The following HERC4 variants were observed in gnomAD, a reference collection of about 807,000 sequenced individuals.
The protein encoded by HERC4 is probable E3 ubiquitin-protein ligase HERC4.
In HERC4, 28 loss-of-function variants were observed where a neutral mutation model predicts 124.3. That is an observed-to-expected ratio of 0.23 (90% CI 0.17 to 0.31). The LOEUF (loss-of-function observed/expected upper bound fraction) is 0.31, where lower values mean the gene tolerates loss of function less well. HERC4 is among the 10% of genes least tolerant of loss of function. The pLI is 1.00. For synonymous variants in HERC4, 407 were observed against 421.5 expected, an observed-to-expected ratio of 0.97 and a Z score of 0.42; for missense variants, 713 against 1,229.3, an observed-to-expected ratio of 0.58 and a Z score of 6.28.
intron 9 of HERC4, among the ~76,000 whole-genome samples, chr10:67,998,301 ATTT>A (rs1196538538): frequency 6.6e-6 from 1 of 150,768 alleles, no homozygotes; most frequent in African/African-American, 2.4e-5. Flanking sequence ...TAATCCCAGC[ATTT>A]TGGGAGGCCG....
chr10:67,947,835 C>T, intron 19 of HERC4, among the ~76,000 whole-genome samples: 1 of 146,220 alleles, frequency 6.8e-6, no homozygotes, highest in Middle Eastern at 3.5e-3. Flanking sequence ...TTAAACAATA[C>T]ACTCTTTTTT....
intron 7 of HERC4, among the ~76,000 whole-genome samples, chr10:68,031,034 T>C (rs528492406): frequency 2.6e-5 from 4 of 152,158 alleles, no homozygotes; most frequent in Non-Finnish European, 5.9e-5. Context: ...ACAGGTATTT[T>C]AACTTAAATA....
intron 7 of HERC4, among the ~76,000 whole-genome samples, chr10:68,032,391 C>A (rs2039254418): frequency 6.6e-6 from 1 of 152,002 alleles, no homozygotes; most frequent in Non-Finnish European, 1.5e-5. Flanking sequence ...TATTTATAAG[C>A]CAAATGGAAA....
chr10:68,059,696 TATAATATTATATATCATA>T (rs2040828690), intron 3 of HERC4, among the ~76,000 whole-genome samples: 1 of 59,894 alleles, frequency 1.7e-5, no homozygotes, highest in African/African-American at 1.6e-4. Flanking sequence ...TATTATATAT[TATAATATTATATATCATA>T]ATATTATATA....
At position 68,069,997 on chromosome 10, in the gene HERC4, GTGCCAC is replaced by G. The variant is rs915699613; in HGVS notation, c.226+2880_226+2885del. 8.3e-6 allele frequency: 6 copies of G among 724,064 alleles called. No individual in the cohort carries two copies. The Admixed American group carries it at 3.1e-4, about 38-fold the overall frequency. 44.9% of individuals were successfully genotyped at this position (724,064 alleles called of 1,614,324 possible). A position where few individuals can be genotyped will look rare whatever the true frequency, so the allele number is the denominator to read the frequency against. On this transcript the variant is annotated intron_variant, in intron 3 of 24. Transcript: ENST00000373700. ...GCGGAGGTTGCAGTGAGCAGAGATCGTGCCACTGCATTCCAGCCTGGGCAACAGAGT... is the reference window on the plus strand; with the variant it reads ...GCGGAGGTTGCAGTGAGCAGAGATCGTGCATTCCAGCCTGGGCAACAGAGT...
At chr10:67,952,412 T>C (rs182140065) in intron 19 of HERC4, among the ~76,000 whole-genome samples, 1 of 151,978 alleles carries the variant, frequency 6.6e-6, no homozygotes, top group African/African-American at 2.4e-5. Context: ...GCTTTCCGAG[T>C]AGCTGGGATT....
At chr10:67,941,680 T>C (rs1307846781) in intron 19 of HERC4, among the ~76,000 whole-genome samples, 2 of 123,470 alleles carry the variant, frequency 1.6e-5, no homozygotes, top group African/African-American at 8.7e-5. Context: ...TTTTTTTTTT[T>C]TTTTTTTTTT....
intron 3 of HERC4, among the ~76,000 whole-genome samples, chr10:68,059,872 TAATA>T (rs2040896465): frequency 1.3e-5 from 1 of 76,298 alleles, no homozygotes. Context: ...TTATATATTA[TAATA>T]ATATTATATA....
rs753652704 is a variant in HERC4 at position 67,954,695 on chromosome 10, C to T, written c.2237G>A (p.Arg746His). ...CATGATGAGCAAGAAAAATTCTTTG[C>T]GCACCCCTCCTGCATCCACAGCATC... ...GEDAVDAGGV[R>H]KEFFLLIMRE... The change falls in exon 19 of 25, where the codon CGC (arginine) becomes CAC (histidine). Residue 746 changes from arginine to histidine, a missense_variant. Transcript: ENST00000373700. 14 of 1,613,212 alleles carry T rather than the reference C, an allele frequency of 8.7e-6. No homozygotes were observed. The highest frequency in any genetic ancestry group is 2.7e-5 in the African/African-American group (2 of 74,868).
At chr10:68,010,628 A>G in intron 9 of HERC4, 1 of 1,418,716 alleles carries the variant, frequency 7.0e-7, no homozygotes, top group East Asian at 2.4e-5. Flanking sequence ...ATATCTCCTG[A>G]ATATTTTCAT....
intron 9 of HERC4, among the ~76,000 whole-genome samples, chr10:68,004,070 T>C (rs993130000): frequency 6.6e-6 from 1 of 152,254 alleles, no homozygotes; most frequent in East Asian, 1.9e-4. Context: ...TACCTCATTT[T>C]AGTTTTGATT....
At chr10:67,996,158 T>C in intron 9 of HERC4, 1 of 449,704 alleles carries the variant, frequency 2.2e-6, no homozygotes, top group Non-Finnish European at 4.5e-6. Context: ...AAATTAAAAA[T>C]TGGTTAAGCG....
intron 21 of HERC4, among the ~76,000 whole-genome samples, chr10:67,937,319 C>T (rs922441974): frequency 7.2e-5 from 11 of 151,946 alleles, no homozygotes; most frequent in African/African-American, 2.7e-4. Context: ...TCTTTGACAC[C>T]CATTCTAAAG....
intron 8 of HERC4, 152 bp from the exon 9 acceptor site, chr10:68,014,338 T>C: frequency 1.5e-6 from 1 of 679,408 alleles, no homozygotes; most frequent in Non-Finnish European, 2.4e-6. Context: ...CAAATATTCA[T>C]TAACAGACTT....
At chr10:67,981,017 G>A (rs2035898079) in intron 15 of HERC4, among the ~76,000 whole-genome samples, 1 of 149,792 alleles carries the variant, frequency 6.7e-6, no homozygotes, top group African/African-American at 2.5e-5. Flanking sequence ...CACCAGAAAT[G>A]AGTAACAAAA....
At chr10:67,933,369 T>C (rs1436447829) in intron 22 of HERC4, among the ~76,000 whole-genome samples, 2 of 151,896 alleles carry the variant, frequency 1.3e-5, no homozygotes, top group Admixed American at 1.3e-4. Flanking sequence ...CTGATTCTCT[T>C]CTATCTCTTA....
intron 15 of HERC4, among the ~76,000 whole-genome samples, chr10:67,973,379 T>C (rs2035369566): frequency 6.6e-6 from 1 of 152,174 alleles, no homozygotes. Context: ...GTCTCTAGGT[T>C]AGCCATCCTC....
intron 8 of HERC4, among the ~76,000 whole-genome samples, chr10:68,016,177 C>G (rs1193749081): frequency 6.6e-6 from 1 of 152,076 alleles, no homozygotes; most frequent in Middle Eastern, 3.2e-3. Flanking sequence ...ACAGAACTAC[C>G]TTAAGCTCTA....
rs373594642 is a variant in HERC4, at chr10:67,934,919, A to G, written c.2654+1234T>C. 1.4e-4 allele frequency among the ~76,000 whole-genome samples: 20 copies of G among 143,750 alleles called. No individual in the cohort carries two copies. In the East Asian group the frequency reaches 3.7e-3, roughly 27 times the overall value. 94.3% of individuals were successfully genotyped at this position (143,750 alleles called of 152,430 possible). A position where few individuals can be genotyped will look rare whatever the true frequency, so the allele number is the denominator to read the frequency against. ...GTTTCTGGGAAGTTTTTTTTTTTTT[A>G]ATATTTTCTTTGACAGATTTCATTC... is the stretch of plus-strand genomic sequence containing the variant. On this transcript the variant is annotated intron_variant, in intron 22 of 24. Coordinates refer to ENST00000373700, the MANE Select transcript of HERC4 (RefSeq NM_015601.4).
Sources: gnomAD v4.1 joint callset for allele counts (sites outside exome capture counted in the v4.1 genomes callset) on GRCh38, gnomAD v4.1.1 for gene constraint, MANE v1.5 for transcripts, NCBI Gene and HGNC (gene_info 2026-07-23, HGNC 2026-07-21) for gene names.